Variants in PCDH15 observed in about 807,000 individuals in gnomAD.
The protein encoded by PCDH15 is protocadherin-15.
In PCDH15, 129 loss-of-function variants were observed where a neutral mutation model predicts 178.5. The ratio of observed to expected loss-of-function variants is 0.72; its 90% CI spans 0.63 to 0.84. The LOEUF is 0.84. Ranked by LOEUF, PCDH15 falls within the 40% of genes least tolerant of loss-of-function variation. PCDH15 has a pLI of 0.00. For missense variants in PCDH15, 2,230 were observed against 2,099.9 expected, an observed-to-expected ratio of 1.06 and a Z score of -1.21; for synonymous variants, 800 against 732.0, an observed-to-expected ratio of 1.09 and a Z score of -1.50.
intron 1 of PCDH15, among the ~76,000 whole-genome samples, chr10:54,680,725 T>C (rs1258222390): frequency 2.0e-5 from 3 of 152,178 alleles, no homozygotes; most frequent in Admixed American, 6.5e-5. Flanking sequence ...CAAGCTCTCT[T>C]GCCTGCTGCC....
intron 1 of PCDH15, among the ~76,000 whole-genome samples, chr10:55,222,103 C>T (rs895087545): frequency 6.6e-6 from 1 of 151,576 alleles, no homozygotes; most frequent in Admixed American, 6.6e-5. Flanking sequence ...TCTCGAGCTC[C>T]TGACCTTGTG....
chr10:54,167,067 A>G (rs1333104573), intron 13 of PCDH15, among the ~76,000 whole-genome samples: 1 of 152,158 alleles, frequency 6.6e-6, no homozygotes, highest in African/African-American at 2.4e-5. Context: ...TGGGTGAAAT[A>G]AACAGCCATG....
chr10:54,341,963 G>A (rs1390662327), intron 6 of PCDH15, among the ~76,000 whole-genome samples: 9 of 152,164 alleles, frequency 5.9e-5, no homozygotes, highest in Non-Finnish European at 1.2e-4. Context: ...GTCTTTTTCT[G>A]AAAGCATACA....
At chr10:54,884,543 T>C (rs1379064367) in intron 3 of PCDH15, among the ~76,000 whole-genome samples, 1 of 151,618 alleles carries the variant, frequency 6.6e-6, no homozygotes, top group African/African-American at 2.4e-5. Flanking sequence ...CTTTCATCAA[T>C]AGTTCTTAGA....
At chr10:55,021,964 A>T (rs1266600709) in intron 2 of PCDH15, among the ~76,000 whole-genome samples, 1 of 152,156 alleles carries the variant, frequency 6.6e-6, no homozygotes, top group Admixed American at 6.5e-5. Context: ...TCTCAGTCGC[A>T]TGGTGGAATC....
chr10:54,074,344 C>A (rs994470347), intron 17 of PCDH15, among the ~76,000 whole-genome samples: 1 of 152,144 alleles, frequency 6.6e-6, no homozygotes, highest in African/African-American at 2.4e-5. Context: ...AATAACTCCC[C>A]ATTTCTCTTT....
intron 1 of PCDH15, among the ~76,000 whole-genome samples, chr10:54,759,141 A>G (rs1159163605): frequency 1.3e-5 from 2 of 152,258 alleles, no homozygotes; most frequent in Non-Finnish European, 2.9e-5. Context: ...AAAATTATCA[A>G]TTAGATTTCT....
intron 2 of PCDH15, among the ~76,000 whole-genome samples, chr10:55,545,703 G>A (rs1204016131): frequency 6.6e-6 from 1 of 152,104 alleles, no homozygotes; most frequent in Admixed American, 6.6e-5. Context: ...CAGCCACTGT[G>A]CCCAGCCAAG....
chr10:54,868,895 T>C (rs1400246575), intron 3 of PCDH15: 1 of 152,134 alleles, frequency 6.6e-6, no homozygotes, highest in Non-Finnish European at 1.5e-5. Context: ...AACATGCTAA[T>C]GTATGGTGAG....
At chr10:55,485,408 A>T (rs1348130262) in intron 2 of PCDH15, among the ~76,000 whole-genome samples, 1 of 151,704 alleles carries the variant, frequency 6.6e-6, no homozygotes, top group East Asian at 1.9e-4. Flanking sequence ...AAATGGGTTA[A>T]AAACATGCTC....
intron 3 of PCDH15, among the ~76,000 whole-genome samples, chr10:54,849,747 C>G (rs561572754): frequency 6.6e-6 from 1 of 152,146 alleles, no homozygotes; most frequent in East Asian, 1.9e-4. Flanking sequence ...ACTTTTGCAC[C>G]AACCTAAATA....
intron 2 of PCDH15, among the ~76,000 whole-genome samples, chr10:54,604,096 C>T (rs903257073): frequency 1.3e-5 from 2 of 151,754 alleles, no homozygotes; most frequent in Non-Finnish European, 2.9e-5. Flanking sequence ...TTTCTTGTTT[C>T]TTTACCATTA....
At position 54,234,118 on chromosome 10, in the gene PCDH15, A is replaced by G. The variant is rs967128751; in HGVS notation, c.985+2705T>C. Among the ~76,000 whole-genome samples, 3 of 147,334 alleles carry G rather than the reference A, an allele frequency of 2.0e-5. No homozygotes were observed. In the South Asian group the frequency reaches 6.6e-4, roughly 32 times the overall value. On this transcript the variant is annotated intron_variant, in intron 9 of 37. Coordinates refer to ENST00000644397, the MANE Select transcript of PCDH15 (RefSeq NM_001384140.1). The stretch of plus-strand genomic sequence containing the variant: ...TGACAAAGTACGTGAAGTCAGAGTC[A>G]TGGATATCCCCTTCTGTGTGTGTGT...
intron 18 of PCDH15, among the ~76,000 whole-genome samples, chr10:54,049,011 C>CT (rs201463243): frequency 0.011 from 1,643 of 152,032 alleles, 32 homozygotes; most frequent in African/African-American, 0.038. Context: ...GCATAGAATG[C>CT]TTTTCCATTT....
At chr10:53,992,175 G>T (rs1334080157) in intron 21 of PCDH15, among the ~76,000 whole-genome samples, 1 of 152,090 alleles carries the variant, frequency 6.6e-6, no homozygotes, top group Non-Finnish European at 1.5e-5. Flanking sequence ...GCTGCCTTAA[G>T]AGCTGTAACA....
intron 2 of PCDH15, among the ~76,000 whole-genome samples, chr10:54,598,091 C>A (rs1025416835): frequency 6.6e-6 from 1 of 151,942 alleles, no homozygotes; most frequent in African/African-American, 2.4e-5. Context: ...TGAAACGGTT[C>A]CCCCACAATT....
At chr10:54,130,691 G>T (rs1206742610) in intron 15 of PCDH15, among the ~76,000 whole-genome samples, 2 of 152,134 alleles carry the variant, frequency 1.3e-5, no homozygotes, top group African/African-American at 4.8e-5. Context: ...AAACAGATTA[G>T]TTTGAAGCCA....
chr10:54,550,488 C>G (rs201576041), intron 2 of PCDH15, among the ~76,000 whole-genome samples: 1 of 150,746 alleles, frequency 6.6e-6, no homozygotes, highest in Non-Finnish European at 1.5e-5. Flanking sequence ...GTGTATGTGT[C>G]TGTGTGTGTG....
intron 1 of PCDH15, among the ~76,000 whole-genome samples, chr10:54,798,892 G>T (rs556955167): frequency 2.0e-5 from 3 of 152,206 alleles, no homozygotes; most frequent in African/African-American, 7.2e-5. Flanking sequence ...AGGAAAAAAA[G>T]TTCCTACAGT....
Sources: allele counts gnomAD v4.1 joint callset (sites outside exome capture counted in the v4.1 genomes callset), GRCh38; gene constraint gnomAD v4.1.1; transcripts MANE v1.5; gene names NCBI Gene and HGNC (gene_info 2026-07-23, HGNC 2026-07-21).